The following CFAP161 variants were observed in gnomAD, a reference collection of about 807,000 sequenced individuals.
The protein encoded by CFAP161 is cilia and flagella associated protein 161.
A neutral mutation model predicts 29.0 loss-of-function variants in CFAP161; 25 were observed. The ratio of observed to expected loss-of-function variants is 0.86; its 90% CI spans 0.63 to 1.20. The LOEUF (loss-of-function observed/expected upper bound fraction) is 1.20. CFAP161 is among the 50% of genes most tolerant of loss of function. The probability of loss-of-function intolerance (pLI) is 0.00; values close to 1 mark genes in which losing one functional copy is unlikely to be tolerated. For synonymous variants in CFAP161, 116 were observed against 137.4 expected (o/e 0.84, Z 1.09); for missense variants, 367 against 371.9 (o/e 0.99, Z 0.11).
intron 4 of CFAP161, among the ~76,000 whole-genome samples, chr15:81,143,275 C>T (rs149564514): frequency 4.6e-5 from 7 of 152,272 alleles, no homozygotes; most frequent in East Asian, 3.9e-4. Flanking sequence ...ATTGCCACTG[C>T]GCTCCAGCCT....
chr15:81,118,116 TA>T, intron 1 of CFAP161: 1 of 529,950 alleles, frequency 1.9e-6, no homozygotes, highest in South Asian at 1.9e-5. Context: ...CACTTAAGTT[TA>T]AATGTGTGAG....
upstream of CFAP161, among the ~76,000 whole-genome samples, chr15:81,133,636 G>T (rs772829572): frequency 6.6e-6 from 1 of 151,024 alleles, no homozygotes; most frequent in Non-Finnish European, 1.5e-5. Flanking sequence ...GTTTTCTTAA[G>T]AGTTCCTGCA....
intron 1 of CFAP161, among the ~76,000 whole-genome samples, chr15:81,115,945 GA>G (rs1894492644): frequency 1.3e-5 from 2 of 150,410 alleles, no homozygotes; most frequent in African/African-American, 4.9e-5. Context: ...ACCTCAACCA[GA>G]ATCTAGGCTT....
intron 1 of CFAP161, among the ~76,000 whole-genome samples, chr15:81,114,272 A>G (rs1894470478): frequency 6.6e-6 from 1 of 152,194 alleles, no homozygotes; most frequent in African/African-American, 2.4e-5. Flanking sequence ...CTTACACTAT[A>G]CTGTGGTCTA....
upstream of CFAP161, among the ~76,000 whole-genome samples, chr15:81,132,460 A>T (rs765455998): frequency 2.6e-5 from 4 of 152,252 alleles, no homozygotes; most frequent in Non-Finnish European, 5.9e-5. Flanking sequence ...GAAGGAAGTT[A>T]TTCAGGTTGA....
chr15:81,137,177 A>G (rs1894825380), intron 3 of CFAP161, among the ~76,000 whole-genome samples: 1 of 152,028 alleles, frequency 6.6e-6, no homozygotes, highest in Non-Finnish European at 1.5e-5. Flanking sequence ...TTAACTGTCC[A>G]TTAAAAATGT....
chr15:81,124,439 T>C (rs2663916), intron 1 of CFAP161, among the ~76,000 whole-genome samples: 86,530 of 152,004 alleles, frequency 0.57, 25,872 homozygotes, highest in Non-Finnish European at 0.68. Flanking sequence ...ATTTTTGCAT[T>C]GATGTTCACC....
upstream of CFAP161, among the ~76,000 whole-genome samples, chr15:81,131,564 C>T (rs55680415): frequency 2.0e-5 from 3 of 152,020 alleles, no homozygotes; most frequent in African/African-American, 7.2e-5. Flanking sequence ...TAGCGGAATA[C>T]AGCAGTAAGT....
chr15:81,107,054 C>T (rs1161666299), intron 1 of CFAP161, among the ~76,000 whole-genome samples: 4 of 152,068 alleles, frequency 2.6e-5, no homozygotes, highest in Non-Finnish European at 5.9e-5. Context: ...TACAGCAAGA[C>T]CCTGTTTCAA....
rs537543848 is a variant in CFAP161, at chr15:81,108,462, G to T, written c.-141-19128G>T. On this transcript the variant is annotated intron_variant, in intron 1 of 4. Transcript: ENST00000560091. ...GAAAAGGCCCTGGACAAAAAGTCAA[G>T]TGACATTAATTCTAGCCCCTGCTCT... Among the ~76,000 whole-genome samples the T allele has an allele frequency of 5.9e-5, 9 of 152,210 alleles. 1 individual carries two copies. In the South Asian group the frequency reaches 1.9e-3, roughly 32 times the overall value.
chr15:81,117,856 T>C, intron 1 of CFAP161: 1 of 368,004 alleles, frequency 2.7e-6, no homozygotes, highest in Non-Finnish European at 5.2e-6. Context: ...CTCATTCTCC[T>C]AGTCCTTCTC....
chr15:81,141,913 A>G (rs1248468903), intron 4 of CFAP161, among the ~76,000 whole-genome samples: 1 of 151,966 alleles, frequency 6.6e-6, no homozygotes, highest in African/African-American at 2.4e-5. Flanking sequence ...CGAACTCCTG[A>G]CCTCAAGTGA....
At chr15:81,129,374 A>G (rs1894680523), upstream of CFAP161, among the ~76,000 whole-genome samples, 1 of 152,184 alleles carries the variant, frequency 6.6e-6, no homozygotes, top group Non-Finnish European at 1.5e-5. Flanking sequence ...TAATAGACTC[A>G]TTTCCACATG....
chr15:81,108,368 G>A (rs1894400657), intron 1 of CFAP161, among the ~76,000 whole-genome samples: 1 of 151,830 alleles, frequency 6.6e-6, no homozygotes, highest in Non-Finnish European at 1.5e-5. Context: ...CCAGCAACAG[G>A]AGATGAATGG....
chr15:81,120,097 A>T (rs1894552950), intron 1 of CFAP161, among the ~76,000 whole-genome samples: 1 of 152,260 alleles, frequency 6.6e-6, no homozygotes, highest in South Asian at 2.1e-4. Flanking sequence ...AAATGTAAAA[A>T]ATATATATTT....
intron 2 of CFAP161, among the ~76,000 whole-genome samples, chr15:81,129,027 C>T (rs1432747867): frequency 6.6e-6 from 1 of 151,982 alleles, no homozygotes; most frequent in Admixed American, 6.6e-5. Context: ...CCATGGGCTG[C>T]AGAATGGATA....
rs780356046 is a variant in CFAP161 at position 81,136,544 on chromosome 15, A to G, written c.188A>G (p.Tyr63Cys). 5 of 1,614,112 alleles carry G rather than the reference A, an allele frequency of 3.1e-6. No homozygotes were observed. The highest frequency in any genetic ancestry group is 2.7e-5 in the African/African-American group (2 of 74,934). Residue 63 changes from tyrosine (Y) to cysteine (C), a missense_variant, in exon 3 of 7, where the codon TAT becomes TGT. Coordinates refer to ENST00000286732, the MANE Select transcript of CFAP161 (RefSeq NM_173528.4). ...CAACTTTCCGTAACTGAAGATGGCT[A>G]TATTCATTACGGTGACAAAGTGATG... ...PMQLSVTEDG[Y>C]IHYGDKVMLV...
chr15:81,115,425 G>A (rs1894485276), intron 1 of CFAP161, among the ~76,000 whole-genome samples: 1 of 152,146 alleles, frequency 6.6e-6, no homozygotes, highest in African/African-American at 2.4e-5. Flanking sequence ...AGTAGTCAGT[G>A]TCAAAACCCT....
chr15:81,120,914 G>A (rs916979751), intron 1 of CFAP161, among the ~76,000 whole-genome samples: 3 of 152,142 alleles, frequency 2.0e-5, no homozygotes, highest in African/African-American at 7.2e-5. Context: ...TTTAGAAGAT[G>A]GCTATTAAAG....
Sources: gnomAD v4.1 joint callset for allele counts (sites outside exome capture counted in the v4.1 genomes callset) on GRCh38, gnomAD v4.1.1 for gene constraint, MANE v1.5 for transcripts, NCBI Gene and HGNC (gene_info 2026-07-23, HGNC 2026-07-21) for gene names.